The following DCAF8L2 variants were observed in gnomAD, a reference collection of about 807,000 sequenced individuals.
DCAF8L2 encodes the protein DDB1- and CUL4-associated factor 8-like protein 2.
For synonymous variants in DCAF8L2, 200 were observed against 190.9 expected (o/e 1.05, Z -0.39); for missense variants, 430 against 490.7 (o/e 0.88, Z 1.17).
intron 3 of DCAF8L2, among the ~76,000 whole-genome samples, chrX:27,680,503 A>T (rs1048517073): frequency 2.7e-5 from 3 of 112,045 alleles, no homozygotes; most frequent in Non-Finnish European, 5.6e-5. Context: ...TTTAAAAAAT[A>T]TCTTAAGTAC....
the DCAF8L2 span, among the ~76,000 whole-genome samples, chrX:27,564,859 A>AT: frequency 3.7e-5 from 4 of 108,029 alleles, no homozygotes; most frequent in African/African-American, 1.0e-4. Context: ...TTAAAAAAAA[A>AT]TTTTTTGTAG....
At chrX:27,493,623 A>G in the DCAF8L2 span, among the ~76,000 whole-genome samples, 1 of 106,500 alleles carries the variant, frequency 9.4e-6, no homozygotes, top group Non-Finnish European at 1.9e-5. Flanking sequence ...AGGCAGGAGA[A>G]TCGCTTGAAC....
intron 2 of DCAF8L2, among the ~76,000 whole-genome samples, chrX:27,657,830 A>T (rs1346151386): frequency 8.9e-6 from 1 of 112,524 alleles, no homozygotes; most frequent in Admixed American, 9.4e-5. Flanking sequence ...CAAACATTAC[A>T]TATAAAAATT....
At chrX:27,708,596 A>G (rs1474920411) in intron 3 of DCAF8L2, among the ~76,000 whole-genome samples, 1 of 112,219 alleles carries the variant, frequency 8.9e-6, no homozygotes, top group Non-Finnish European at 1.9e-5. Context: ...TATATATGCA[A>G]TCTTCTTTCA....
intron 2 of DCAF8L2, among the ~76,000 whole-genome samples, chrX:27,636,667 A>G (rs1176620920): frequency 8.9e-6 from 1 of 111,936 alleles, no homozygotes; most frequent in Non-Finnish European, 1.9e-5. Flanking sequence ...AAAATTAAAT[A>G]GAGAAGAATT....
chrX:27,470,051 A>G, the DCAF8L2 span, among the ~76,000 whole-genome samples: 3 of 112,102 alleles, frequency 2.7e-5, no homozygotes, highest in African/African-American at 9.7e-5. Flanking sequence ...TACAGGCGTG[A>G]GCCACTGTGC....
At chrX:27,499,915 T>G in the DCAF8L2 span, among the ~76,000 whole-genome samples, 1 of 111,859 alleles carries the variant, frequency 8.9e-6, no homozygotes, top group African/African-American at 3.2e-5. Context: ...ATTCTGTGGG[T>G]TGCCTTTTCA....
chrX:27,621,399 T>G (rs1927751531), intron 1 of DCAF8L2, among the ~76,000 whole-genome samples: 1 of 111,296 alleles, frequency 9.0e-6, no homozygotes, highest in African/African-American at 3.3e-5. Flanking sequence ...TATGTGTATT[T>G]TAACATAACA....
intron 2 of DCAF8L2, among the ~76,000 whole-genome samples, chrX:27,670,123 T>TG (rs1031243646): frequency 1.6e-4 from 18 of 110,302 alleles, no homozygotes; most frequent in African/African-American, 3.0e-4. Flanking sequence ...TTTGTTTGTT[T>TG]TTTTTTTTAG....
the DCAF8L2 span, among the ~76,000 whole-genome samples, chrX:27,548,647 TACA>T: frequency 0.015 from 1,628 of 111,818 alleles, 16 homozygotes; most frequent in Middle Eastern, 0.032. Context: ...TGAACAGTGT[TACA>T]ACATTTTCCA....
At chrX:27,570,989 A>G in the DCAF8L2 span, among the ~76,000 whole-genome samples, 1 of 111,458 alleles carries the variant, frequency 9.0e-6, no homozygotes, top group African/African-American at 3.3e-5. Context: ...ATGTTCTTTG[A>G]TTCTCTAATA....
At chrX:27,719,342 T>G (rs1414981219) in intron 4 of DCAF8L2, among the ~76,000 whole-genome samples, 15 of 111,226 alleles carry the variant, frequency 1.3e-4, no homozygotes, top group South Asian at 3.8e-4. Context: ...ATAGATCTAT[T>G]TCGTTTTGTT....
intron 4 of DCAF8L2, among the ~76,000 whole-genome samples, chrX:27,729,246 G>A (rs1016919282): frequency 9.0e-6 from 1 of 111,577 alleles, no homozygotes. Flanking sequence ...AGTAGCTCTA[G>A]TGAGGTATAA....
intron 3 of DCAF8L2, among the ~76,000 whole-genome samples, chrX:27,684,576 AT>A (rs1479238978): frequency 9.0e-6 from 1 of 111,644 alleles, no homozygotes; most frequent in Admixed American, 9.6e-5. Context: ...TATCAGAACC[AT>A]AAATATGCTA....
chrX:27,544,816 C>G, the DCAF8L2 span, among the ~76,000 whole-genome samples: 1 of 111,129 alleles, frequency 9.0e-6, no homozygotes, highest in Non-Finnish European at 1.9e-5. Context: ...TATTAGGAGC[C>G]CACTGAGATA....
rs1294870021 is a variant in DCAF8L2, at chrX:27,747,465, T to C, written c.570T>C (p.Val190=). 1 of 1,176,008 alleles carries C rather than the reference T, an allele frequency of 8.5e-7. No individual in the cohort carries two copies. Among genetic ancestry groups the C allele is most frequent in the Non-Finnish European group, 1.1e-6 (1 of 877,240 alleles). Residue 190 remains valine (V), a synonymous_variant, in exon 5 of 5, where the codon GTT becomes GTC. Coordinates refer to ENST00000451261, the MANE Select transcript of DCAF8L2 (RefSeq NM_001353450.2). ...SALPRPRWQV[V]TALHQRQLGS... ...TGCCCCGACCTCGCTGGCAGGTCGT[T>C]ACTGCTCTTCACCAGCGGCAGCTGG...
At chrX:27,592,667 G>A (rs1461285172) in intron 1 of DCAF8L2, among the ~76,000 whole-genome samples, 15 of 110,567 alleles carry the variant, frequency 1.4e-4, no homozygotes, top group Non-Finnish European at 2.5e-4. Flanking sequence ...TCGATCTCCT[G>A]ACCTCGTGAT....
At chrX:27,583,639 C>T in the DCAF8L2 span, among the ~76,000 whole-genome samples, 49 of 111,161 alleles carry the variant, frequency 4.4e-4, 1 homozygote, top group African/African-American at 1.6e-3. Context: ...GGTAGGTGAG[C>T]GAGCTTTACT....
intron 1 of DCAF8L2, among the ~76,000 whole-genome samples, chrX:27,610,321 G>GT (rs766105906): frequency 1.8e-5 from 2 of 110,971 alleles, no homozygotes; most frequent in East Asian, 5.7e-4. Flanking sequence ...GGTAAGTTTG[G>GT]TGTCATAGCA....
Sources: allele counts gnomAD v4.1 joint callset (sites outside exome capture counted in the v4.1 genomes callset), GRCh38; gene constraint gnomAD v4.1.1; transcripts MANE v1.5; gene names NCBI Gene and HGNC (gene_info 2026-07-23, HGNC 2026-07-21).